The following SEL1L3 variants were observed in gnomAD, a reference collection of about 807,000 sequenced individuals.
The protein encoded by SEL1L3 is SEL1L family member 3, also known as protein sel-1 homolog 3.
A neutral mutation model predicts 142.8 loss-of-function variants in SEL1L3; 76 were observed. The observed-to-expected ratio is 0.53, with a 90% confidence interval of 0.44 to 0.64. The LOEUF is 0.64. SEL1L3 is among the 30% of genes least tolerant of loss of function. The pLI, the probability that SEL1L3 is intolerant of heterozygous loss-of-function variation, is 0.00. For missense variants in SEL1L3, 1,262 were observed against 1,381.7 expected, an observed-to-expected ratio of 0.91 and a Z score of 1.37; for synonymous variants, 504 against 519.6, an observed-to-expected ratio of 0.97 and a Z score of 0.41.
At chr4:25,778,982 G>T in intron 16 of SEL1L3, 94 bp downstream of exon 16, 1 of 1,160,588 alleles carries the variant, frequency 8.6e-7, no homozygotes, top group South Asian at 1.9e-5. Context: ...ATGTACAACT[G>T]GTAAAAATAA....
intron 7 of SEL1L3, among the ~76,000 whole-genome samples, chr4:25,821,472 T>C (rs907602467): frequency 3.3e-5 from 5 of 152,136 alleles, no homozygotes; most frequent in African/African-American, 1.2e-4. Flanking sequence ...CGGGGGCGGG[T>C]TATGGATGTG....
rs778424831 is a variant in SEL1L3, at chr4:25,757,776, C to T, written c.3098G>A (p.Ser1033Asn). 6.3e-7 allele frequency: 1 copy of T among 1,581,664 alleles called. No homozygotes were observed. Among genetic ancestry groups the T allele is most frequent in the Non-Finnish European group, 8.6e-7 (1 of 1,164,394 alleles). Residue 1033 changes from serine to asparagine, a missense_variant, in exon 22 of 24, where the codon AGT becomes AAT. Physicochemically the swap from Ser to Asn is conservative, Grantham distance 46. This residue lies in a region of SEL1L3 where 138 missense variants were observed against 129.7 expected (regional missense o/e 1.06). Coordinates refer to ENST00000399878, the MANE Select transcript of SEL1L3 (RefSeq NM_015187.5). ...GCAGGGGCTGAAGGACTCCTCGTTA[C>T]TGTGGCTCCAGCACCTGCAGACAAA... is the stretch of plus-strand genomic sequence containing the variant. Reference protein sequence around the residue: ...QELYERCWSHSNEESFSPCSL... With the variant: ...QELYERCWSHNNEESFSPCSL...
intron 23 of SEL1L3, among the ~76,000 whole-genome samples, chr4:25,751,396 C>T (rs181371155): frequency 3.3e-4 from 50 of 152,146 alleles, no homozygotes; most frequent in Admixed American, 7.2e-4. Flanking sequence ...GCAAAGATGA[C>T]GGAGTTCCCA....
At position 25,807,089 on chromosome 4, in the gene SEL1L3, G is replaced by A. The variant is rs139688189; in HGVS notation, c.1565-2337C>T. 3.4e-3 allele frequency among the ~76,000 whole-genome samples: 517 copies of A among 152,128 alleles called. 5 individuals carry two copies. Among genetic ancestry groups the A allele is most frequent in the African/African-American group, 0.012 (492 of 41,494 alleles). The stretch of plus-strand genomic sequence containing the variant: ...TATGCCATTGTAGAGTCTGACTCTC[G>A]ACTTTCTTTTTTAAATTAACTACAC... On this transcript the variant is annotated intron_variant, in intron 9 of 23. Transcript: ENST00000399878.
the SEL1L3 span, among the ~76,000 whole-genome samples, chr4:25,735,839 T>C: frequency 2.1e-3 from 300 of 143,546 alleles, 1 homozygote; most frequent in Middle Eastern, 0.035. Context: ...TTTTTTTTTT[T>C]TTTTTTTTGA....
chr4:25,795,463 G>T (rs4697116), intron 11 of SEL1L3, among the ~76,000 whole-genome samples: 1 of 152,104 alleles, frequency 6.6e-6, no homozygotes, highest in South Asian at 2.1e-4. Flanking sequence ...TAGAACTGGG[G>T]GAGGGTGTGT....
At chr4:25,784,917 G>C (rs1006648687) in intron 13 of SEL1L3, among the ~76,000 whole-genome samples, 2 of 152,256 alleles carry the variant, frequency 1.3e-5, no homozygotes, top group Admixed American at 6.5e-5. Flanking sequence ...TGTCATAAGA[G>C]AGAAACTCTG....
chr4:25,748,353 C>T lies in SEL1L3; in HGVS notation c.*72G>A. 1 of 1,466,600 alleles carries T rather than the reference C, an allele frequency of 6.8e-7. No homozygotes were observed. 90.8% of individuals were successfully genotyped at this position (1,466,600 alleles called of 1,614,324 possible). ...TTTAAGGTGTTTATCAGGATCATGC[C>T]CTGGCCCCAGCTTCCCAATACCAGC... On this transcript the variant is annotated 3_prime_UTR_variant, in exon 24 of 24. Transcript: ENST00000399878.
At chr4:25,731,046 G>A in the SEL1L3 span, among the ~76,000 whole-genome samples, 2 of 152,042 alleles carry the variant, frequency 1.3e-5, no homozygotes, top group East Asian at 3.9e-4. Flanking sequence ...ATAAAATAAA[G>A]TCAGGTAACA....
intron 11 of SEL1L3, among the ~76,000 whole-genome samples, chr4:25,800,439 C>T (rs1165273673): frequency 1.3e-5 from 2 of 152,178 alleles, no homozygotes; most frequent in Admixed American, 1.3e-4. Context: ...CTGGTTCTGA[C>T]CAATTAAATG....
At position 25,750,791 on chromosome 4, in the gene SEL1L3, G is replaced by A. The variant is rs141767168; in HGVS notation, c.3260-2227C>T. On this transcript the variant is annotated intron_variant, in intron 23 of 23. Transcript: ENST00000399878. ...AAATGTAGATGACAGGAAACAGCAG[G>A]AAAAGGTTTAATTAATCTTATACAT... Among the ~76,000 whole-genome samples the A allele has an allele frequency of 4.3e-4, 66 of 152,302 alleles. 1 individual carries two copies. In the Middle Eastern group the frequency reaches 0.01, roughly 24 times the overall value.
At chr4:25,791,900 G>A (rs868731023) in intron 11 of SEL1L3, among the ~76,000 whole-genome samples, 23 of 150,528 alleles carry the variant, frequency 1.5e-4, no homozygotes, top group African/African-American at 3.2e-4. Flanking sequence ...CGGACAGAGC[G>A]AGACTCAGTC....
chr4:25,817,705 A>T (rs1001654186), intron 9 of SEL1L3, among the ~76,000 whole-genome samples: 1 of 152,198 alleles, frequency 6.6e-6, no homozygotes, highest in Non-Finnish European at 1.5e-5. Flanking sequence ...TTGCTGCCAC[A>T]TAGGAGAAAG....
At chr4:25,733,523 CT>C in the SEL1L3 span, among the ~76,000 whole-genome samples, 14,290 of 121,434 alleles carry the variant, frequency 0.12, 541 homozygotes, top group Middle Eastern at 0.18. Flanking sequence ...TATTCCTTAG[CT>C]TTTTTTTTTT....
chr4:25,788,027 C>T lies in SEL1L3; in HGVS notation c.2217+197G>A, dbSNP rs1711971825. Among the ~76,000 whole-genome samples, 1 of 152,202 alleles carries T rather than the reference C, an allele frequency of 6.6e-6. No individual in the cohort carries two copies. Among genetic ancestry groups the T allele is most frequent in the African/African-American group, 2.4e-5 (1 of 41,454 alleles). The stretch of plus-strand genomic sequence containing the variant: ...GAGAATCCAGGTGCCAAACATAAGA[C>T]TAATGATTAAAAATGAGAACAGGGA... On this transcript the variant is annotated intron_variant, in intron 13 of 23. Coordinates refer to ENST00000399878, the MANE Select transcript of SEL1L3 (RefSeq NM_015187.5). The surrounding 1 kb of genome is among the most constrained non-coding windows in gnomAD (Gnocchi z 5.3).
chr4:25,753,834 A>T (rs1717764545), intron 23 of SEL1L3, among the ~76,000 whole-genome samples: 1 of 151,638 alleles, frequency 6.6e-6, no homozygotes. Flanking sequence ...AAGTACAAAA[A>T]TCAGCTGGGG....
At chr4:25,837,980 T>C (rs1460001214) in intron 2 of SEL1L3, among the ~76,000 whole-genome samples, 4 of 152,216 alleles carry the variant, frequency 2.6e-5, no homozygotes, top group Admixed American at 2.0e-4. Flanking sequence ...CTCTAGGATG[T>C]ACTCATTAAA....
At chr4:25,769,855 T>G (rs866003542) in intron 17 of SEL1L3, among the ~76,000 whole-genome samples, 36 of 152,278 alleles carry the variant, frequency 2.4e-4, no homozygotes, top group Middle Eastern at 3.4e-3. Context: ...GCCAGGCGTG[T>G]GGTTGCTCAT....
chr4:25,841,241 C>T (rs575489382), intron 2 of SEL1L3, among the ~76,000 whole-genome samples: 1 of 152,278 alleles, frequency 6.6e-6, no homozygotes, highest in Non-Finnish European at 1.5e-5. Flanking sequence ...ACCATGTTGG[C>T]TAGGCTGGTC....
Sources: gnomAD v4.1 joint callset for allele counts (sites outside exome capture counted in the v4.1 genomes callset) on GRCh38, gnomAD v4.1.1 for gene constraint, gnomAD v4.1.1 regional missense constraint, Gnocchi (gnomAD v3.1) non-coding constraint, MANE v1.5 for transcripts, NCBI Gene and HGNC (gene_info 2026-07-23, HGNC 2026-07-21) for gene names.